Variants in RGS7BP observed in about 807,000 individuals in gnomAD.
RGS7BP encodes the protein regulator of G protein signaling 7-binding protein.
A neutral mutation model predicts 31.3 loss-of-function variants in RGS7BP; 9 were observed. That is an observed-to-expected ratio of 0.29 (90% CI 0.17 to 0.50). The LOEUF (loss-of-function observed/expected upper bound fraction) is 0.50, where lower values mean the gene tolerates loss of function less well. RGS7BP is among the 20% of genes least tolerant of loss of function. The pLI is 0.98. For missense variants in RGS7BP, 274 were observed against 322.0 expected (o/e 0.85, Z 1.14); for synonymous variants, 115 against 120.1 (o/e 0.96, Z 0.28).
chr5:64,520,686 G>C lies in RGS7BP; in HGVS notation c.332+12809G>C, dbSNP rs769052552. 3.3e-5 allele frequency among the ~76,000 whole-genome samples: 5 copies of C among 152,148 alleles called. No individual in the cohort carries two copies. The East Asian group carries it at 9.6e-4, about 29-fold the overall frequency. On this transcript the variant is annotated intron_variant, in intron 2 of 5. Coordinates refer to ENST00000334025, the MANE Select transcript of RGS7BP (RefSeq NM_001029875.3). Reference sequence around the variant, plus strand: ...CTGAATTCTGGGTGTTTCAAGAATCGACCTACTTTTTCCCAGGGTAGGACA... The same window carrying C: ...CTGAATTCTGGGTGTTTCAAGAATCCACCTACTTTTTCCCAGGGTAGGACA...
intron 2 of RGS7BP, among the ~76,000 whole-genome samples, chr5:64,521,044 C>G (rs964987729): frequency 1.3e-5 from 2 of 152,162 alleles, no homozygotes; most frequent in African/African-American, 4.8e-5. Flanking sequence ...AAAATCATCA[C>G]GGTAATTATC....
At chr5:64,522,939 G>A (rs920734382) in intron 2 of RGS7BP, among the ~76,000 whole-genome samples, 1 of 152,174 alleles carries the variant, frequency 6.6e-6, no homozygotes, top group Admixed American at 6.5e-5. Flanking sequence ...TCCATCTTCT[G>A]AGAGGGAAAT....
chr5:64,599,672 T>C (rs1229308713), intron 5 of RGS7BP, among the ~76,000 whole-genome samples: 2 of 152,204 alleles, frequency 1.3e-5, no homozygotes, highest in Non-Finnish European at 2.9e-5. Flanking sequence ...AAACATGCTT[T>C]AGTGATGAGA....
Position 64,506,590 on chromosome 5 carries a change from TG to T in RGS7BP, c.-34del. The T allele has an allele frequency of 6.4e-7, 1 of 1,556,372 alleles. No individual in the cohort carries two copies. The highest frequency in any genetic ancestry group is 8.8e-7 in the Non-Finnish European group (1 of 1,141,920). ...CCGGGCCGCCCGCGCCGGGGCGCACTGCACCAGCGGCTTCGGCTTGGTGGAT... is the reference window on the plus strand; with the variant it reads ...CCGGGCCGCCCGCGCCGGGGCGCACTCACCAGCGGCTTCGGCTTGGTGGAT... On this transcript the variant is annotated 5_prime_UTR_variant, in exon 1 of 6. Coordinates refer to ENST00000334025, the MANE Select transcript of RGS7BP (RefSeq NM_001029875.3). The surrounding 1 kb of genome is among the most constrained non-coding windows in gnomAD (Gnocchi z 4.6).
chr5:64,553,175 T>TC (rs1741837880), intron 2 of RGS7BP, among the ~76,000 whole-genome samples: 1 of 144,728 alleles, frequency 6.9e-6, no homozygotes, highest in Non-Finnish European at 1.5e-5. Flanking sequence ...TTCTTTCTTT[T>TC]TTTTTTTTTT....
At chr5:64,539,075 A>T (rs1055627514) in intron 2 of RGS7BP, among the ~76,000 whole-genome samples, 3 of 152,128 alleles carry the variant, frequency 2.0e-5, no homozygotes, top group Non-Finnish European at 4.4e-5. Flanking sequence ...TGCCCATTTT[A>T]AAAGTGTAGA....
At chr5:64,593,996 T>C (rs1441169898) in intron 3 of RGS7BP, among the ~76,000 whole-genome samples, 1 of 152,208 alleles carries the variant, frequency 6.6e-6, no homozygotes, top group Admixed American at 6.5e-5. Context: ...TGGAGATTTG[T>C]TTCCAGAAAG....
intron 2 of RGS7BP, among the ~76,000 whole-genome samples, chr5:64,537,641 C>A (rs1741410295): frequency 6.6e-6 from 1 of 152,116 alleles, no homozygotes; most frequent in Non-Finnish European, 1.5e-5. Context: ...TCTCTAAGTT[C>A]TATTCCTGGA....
intron 2 of RGS7BP, among the ~76,000 whole-genome samples, chr5:64,545,908 G>T: frequency 6.6e-6 from 1 of 152,250 alleles, no homozygotes; most frequent in East Asian, 1.9e-4. Flanking sequence ...AGTGCTCTGG[G>T]CCGGAAATAA....
chr5:64,559,117 C>G (rs1741991909), intron 2 of RGS7BP, among the ~76,000 whole-genome samples: 1 of 152,126 alleles, frequency 6.6e-6, no homozygotes, highest in African/African-American at 2.4e-5. Context: ...GACCCATACC[C>G]TATTCATACA....
intron 2 of RGS7BP, among the ~76,000 whole-genome samples, chr5:64,514,813 G>C (rs1394581933): frequency 6.6e-6 from 1 of 152,042 alleles, no homozygotes; most frequent in Non-Finnish European, 1.5e-5. Context: ...AGCATACTCT[G>C]GAGCAAGGAC....
intron 1 of RGS7BP, among the ~76,000 whole-genome samples, chr5:64,507,040 T>C (rs1236021284): frequency 2.6e-5 from 4 of 152,152 alleles, no homozygotes; most frequent in African/African-American, 9.7e-5. Context: ...AGGTTGTGCC[T>C]GTACCCCCTC....
intron 2 of RGS7BP, among the ~76,000 whole-genome samples, chr5:64,556,825 T>C (rs889094782): frequency 6.6e-6 from 1 of 151,650 alleles, no homozygotes; most frequent in African/African-American, 2.4e-5. Context: ...AAAAAAAAAA[T>C]CTCTGTGTGT....
At chr5:64,555,167 C>T (rs1487041377) in intron 2 of RGS7BP, among the ~76,000 whole-genome samples, 1 of 152,052 alleles carries the variant, frequency 6.6e-6, no homozygotes, top group Non-Finnish European at 1.5e-5. Context: ...AGAGAAAAGA[C>T]ATTTCCTACA....
chr5:64,571,949 T>TA (rs1366485303), intron 2 of RGS7BP, among the ~76,000 whole-genome samples: 2 of 152,138 alleles, frequency 1.3e-5, no homozygotes, highest in African/African-American at 2.4e-5. Context: ...GCTCTTGACT[T>TA]ACACTCAATA....
At chr5:64,548,749 T>C (rs927674704) in intron 2 of RGS7BP, among the ~76,000 whole-genome samples, 1 of 151,984 alleles carries the variant, frequency 6.6e-6, no homozygotes, top group Admixed American at 6.6e-5. Context: ...TCAAGTGATC[T>C]GCCCACCTCG....
chr5:64,564,592 T>A (rs1378566884), intron 2 of RGS7BP, among the ~76,000 whole-genome samples: 2 of 152,178 alleles, frequency 1.3e-5, no homozygotes, highest in African/African-American at 4.8e-5. Context: ...CAATTTTATG[T>A]TTCATATCAA....
intron 2 of RGS7BP, among the ~76,000 whole-genome samples, chr5:64,525,948 G>A (rs1749221466): frequency 6.6e-6 from 1 of 152,184 alleles, no homozygotes; most frequent in Non-Finnish European, 1.5e-5. Context: ...GCCCCCAGGA[G>A]CAAATCCACC....
intron 4 of RGS7BP, among the ~76,000 whole-genome samples, chr5:64,596,080 C>A (rs1352256081): frequency 6.6e-6 from 1 of 152,150 alleles, no homozygotes; most frequent in African/African-American, 2.4e-5. Flanking sequence ...GCTGAAATGC[C>A]ATATCAGGGC....
Sources: gnomAD v4.1 joint callset for allele counts (sites outside exome capture counted in the v4.1 genomes callset) on GRCh38, gnomAD v4.1.1 for gene constraint, Gnocchi (gnomAD v3.1) non-coding constraint, MANE v1.5 for transcripts, NCBI Gene and HGNC (gene_info 2026-07-23, HGNC 2026-07-21) for gene names.